The following EIF1AY variants were observed in gnomAD, a reference collection of about 807,000 sequenced individuals.
EIF1AY encodes the protein eukaryotic translation initiation factor 1A Y-linked, also known as eukaryotic translation initiation factor 1A, Y-chromosomal.
For missense variants in EIF1AY, 19 were observed against 30.6 expected, an observed-to-expected ratio of 0.62 and a Z score of 0.89; for synonymous variants, 16 against 9.9, an observed-to-expected ratio of 1.62 and a Z score of -1.16.
At chrY:20,581,340 T>C in intron 2 of EIF1AY, among the ~76,000 whole-genome samples, 1 of 33,057 alleles carries the variant, frequency 3.0e-5, no homozygotes, top group African/African-American at 1.2e-4. Flanking sequence ...TTTTTTTGTT[T>C]GTTTTTTTTG....
intron 1 of EIF1AY, among the ~76,000 whole-genome samples, chrY:20,577,090 G>A: frequency 3.0e-5 from 1 of 33,374 alleles, no homozygotes; most frequent in Non-Finnish European, 7.4e-5. Flanking sequence ...TTTATTTCTA[G>A]TGATGAGATT....
At chrY:20,579,854 G>C (rs13447378) in intron 2 of EIF1AY, among the ~76,000 whole-genome samples, 163 bp downstream of exon 2, 40 of 32,840 alleles carry the variant, frequency 1.2e-3, no homozygotes, top group South Asian at 6.6e-3. Flanking sequence ...CATTTCTCCT[G>C]TACTTGTTCA....
intron 1 of EIF1AY, among the ~76,000 whole-genome samples, chrY:20,576,855 G>A: frequency 3.0e-5 from 1 of 33,829 alleles, no homozygotes; most frequent in African/African-American, 1.2e-4. Context: ...GTACAGTGCA[G>A]TCTTTCCTGG....
At chrY:20,583,340 T>C (rs2089352364) in intron 3 of EIF1AY, among the ~76,000 whole-genome samples, 1 of 30,092 alleles carries the variant, frequency 3.3e-5, no homozygotes, top group Non-Finnish European at 7.9e-5. Context: ...GTGCTAATGC[T>C]CTCCAGTCTG....
intron 3 of EIF1AY, among the ~76,000 whole-genome samples, chrY:20,584,097 G>C: frequency 3.1e-5 from 1 of 32,238 alleles, no homozygotes; most frequent in Non-Finnish European, 7.5e-5. Flanking sequence ...GTCTCACGCT[G>C]TTGTGTAGGC....
At chrY:20,588,671 G>T in intron 5 of EIF1AY, 1 of 33,894 alleles carries the variant, frequency 3.0e-5, no homozygotes, top group Non-Finnish European at 7.3e-5. Context: ...CACCATCAAA[G>T]AGAATATGCA....
chrY:20,583,165 T>C lies in EIF1AY; in HGVS notation c.204+472T>C, dbSNP rs9341318. 5.2e-3 allele frequency among the ~76,000 whole-genome samples: 173 copies of C among 33,419 alleles called. No homozygotes were observed. In the South Asian group the frequency reaches 0.081, roughly 16 times the overall value. 89.7% of individuals were successfully genotyped at this position (33,419 alleles called of 37,273 possible). A position where few individuals can be genotyped will look rare whatever the true frequency, so the allele number is the denominator to read the frequency against. On this transcript the variant is annotated intron_variant, in intron 3 of 6. Transcript: ENST00000361365. Reference sequence around the variant, plus strand: ...TTAGTAATACCACATCAGGTAGTTTTATAAATTACACTGATTAAAAGTCTC... The same window carrying C: ...TTAGTAATACCACATCAGGTAGTTTCATAAATTACACTGATTAAAAGTCTC...
intron 4 of EIF1AY, among the ~76,000 whole-genome samples, chrY:20,584,988 C>T (rs2089353728): frequency 3.0e-5 from 1 of 32,817 alleles, no homozygotes; most frequent in Non-Finnish European, 7.5e-5. Flanking sequence ...TACATAGTTA[C>T]GATGTTTTTC....
chrY:20,577,375 A>T (rs751617615), intron 1 of EIF1AY, among the ~76,000 whole-genome samples: 1 of 33,637 alleles, frequency 3.0e-5, no homozygotes, highest in African/African-American at 1.2e-4. Flanking sequence ...AAACGACTTT[A>T]ATTTTTGTAT....
Position 20,589,501 on chromosome Y carries a change from G to A in EIF1AY, c.355G>A (p.Asp119Asn). Residue 119 changes from aspartate to asparagine, a missense_variant, in exon 6 of 7, where the codon GAC (aspartate) becomes AAC (asparagine). By Grantham distance (23) the Asp-to-Asn change is conservative. Coordinates refer to ENST00000361365, the MANE Select transcript of EIF1AY (RefSeq NM_004681.4). The part of the protein sequence containing the change: ...LPEHAKINET[D>N]TFGPGDDDEI... ...ACCTTTAGCTAAAATCAATGAAACAGACACATTTGGTCCTGGAGATGATGA... is the reference window on the plus strand; with the variant it reads ...ACCTTTAGCTAAAATCAATGAAACAAACACATTTGGTCCTGGAGATGATGA... 2.6e-6 allele frequency: 1 copy of A among 391,808 alleles called. No homozygotes were observed. Among genetic ancestry groups the A allele is most frequent in the Non-Finnish European group, 3.6e-6 (1 of 277,423 alleles).
intron 1 of EIF1AY, among the ~76,000 whole-genome samples, chrY:20,576,894 A>G: frequency 2.7e-4 from 9 of 33,915 alleles, no homozygotes; most frequent in Admixed American, 2.4e-3. Context: ...CCGAAAACCC[A>G]CTAACGGGTT....
In EIF1AY at chrY:20,583,681, C is replaced by T. The variant is rs1018144628; in HGVS notation, c.205-793C>T. 4.8e-4 allele frequency among the ~76,000 whole-genome samples: 16 copies of T among 33,166 alleles called. No homozygotes were observed. The South Asian group carries it at 0.011, about 22-fold the overall frequency. The allele number at this position is 33,166 out of a possible 37,273, so 89.0% of individuals were successfully genotyped here. The stretch of plus-strand genomic sequence containing the variant: ...ATTCATGAGCGATCAGCTGTCATCA[C>T]GTAATCACCTCCCAAAGGCCCAACC... On this transcript the variant is annotated intron_variant, in intron 3 of 6. Transcript: ENST00000361365.
intron 6 of EIF1AY, among the ~76,000 whole-genome samples, chrY:20,590,583 G>T (rs754595242): frequency 1.7e-4 from 5 of 29,012 alleles, no homozygotes; most frequent in Admixed American, 1.6e-3. Context: ...GCAGTGAACC[G>T]AGATTGCACC....
At chrY:20,578,387 A>C (rs2124356584) in intron 1 of EIF1AY, among the ~76,000 whole-genome samples, 1 of 33,650 alleles carries the variant, frequency 3.0e-5, no homozygotes, top group East Asian at 7.8e-4. Context: ...GAAATTTATG[A>C]GCTAATCATC....
chrY:20,587,616 A>T, intron 4 of EIF1AY: 1 of 37,022 alleles, frequency 2.7e-5, no homozygotes, highest in Admixed American at 2.5e-4. Context: ...TTTTAACATC[A>T]TTATTCTTTA....
At chrY:20,583,412 A>G in intron 3 of EIF1AY, among the ~76,000 whole-genome samples, 10 of 32,802 alleles carry the variant, frequency 3.0e-4, no homozygotes, top group Admixed American at 2.8e-3. Context: ...GTATGTTAAC[A>G]TTCTTTCTTT....
At chrY:20,576,876 T>G (rs1603578917) in intron 1 of EIF1AY, among the ~76,000 whole-genome samples, 1 of 34,041 alleles carries the variant, frequency 2.9e-5, no homozygotes, top group East Asian at 7.7e-4. Context: ...GCATTACTCT[T>G]TGCTCTCCCG....
intron 6 of EIF1AY, among the ~76,000 whole-genome samples, chrY:20,591,571 T>C (rs749247517): frequency 2.9e-5 from 1 of 33,976 alleles, no homozygotes; most frequent in South Asian, 6.5e-4. Flanking sequence ...GTACCTCCCT[T>C]TGGGGACCCT....
chrY:20,577,673 C>CA (rs2089347628), intron 1 of EIF1AY, among the ~76,000 whole-genome samples: 3 of 28,653 alleles, frequency 1.0e-4, no homozygotes, highest in Non-Finnish European at 2.5e-4. Flanking sequence ...ACTAAAAATA[C>CA]AAAAAAAATT....
Sources: gnomAD v4.1 joint callset for allele counts (sites outside exome capture counted in the v4.1 genomes callset) on GRCh38, gnomAD v4.1.1 for gene constraint, MANE v1.5 for transcripts, NCBI Gene and HGNC (gene_info 2026-07-23, HGNC 2026-07-21) for gene names.